PABPC4L: variants seen among roughly 807,000 people sequenced by gnomAD.
PABPC4L encodes the protein polyadenylate-binding protein 4-like.
For synonymous variants in PABPC4L, 169 were observed against 164.1 expected (o/e 1.03, Z -0.23); for missense variants, 452 against 451.4 (o/e 1.00, Z -0.01).
At chr4:134,000,012 A>T in the PABPC4L span, among the ~76,000 whole-genome samples, 5 of 152,150 alleles carry the variant, frequency 3.3e-5, no homozygotes. Context: ...CTTGTAAGTT[A>T]TATTTTAAAA....
the PABPC4L span, among the ~76,000 whole-genome samples, chr4:134,162,415 T>C: frequency 1.3e-5 from 2 of 152,024 alleles, no homozygotes; most frequent in East Asian, 1.9e-4. Flanking sequence ...ACAATAATAA[T>C]AGGGGACATC....
chr4:133,970,294 T>C, the PABPC4L span, among the ~76,000 whole-genome samples: 1 of 151,962 alleles, frequency 6.6e-6, no homozygotes, highest in African/African-American at 2.4e-5. Flanking sequence ...ATCTGTTTTA[T>C]TCCAACTATT....
the PABPC4L span, among the ~76,000 whole-genome samples, chr4:134,079,528 G>C: frequency 4.2e-5 from 6 of 141,732 alleles, no homozygotes; most frequent in African/African-American, 5.2e-5. Context: ...GCAGTGAGCT[G>C]AGATTGTGAC....
the PABPC4L span, among the ~76,000 whole-genome samples, chr4:134,014,092 C>T: frequency 6.6e-6 from 1 of 152,136 alleles, no homozygotes; most frequent in Admixed American, 6.5e-5. Context: ...CAGTTCATGG[C>T]TCATTTGGCA....
the PABPC4L span, among the ~76,000 whole-genome samples, chr4:134,036,018 T>C: frequency 1.3e-5 from 2 of 152,018 alleles, no homozygotes; most frequent in South Asian, 2.1e-4. Flanking sequence ...TCCAATTACC[T>C]TTACCTGTCC....
the PABPC4L span, among the ~76,000 whole-genome samples, chr4:134,003,886 T>A: frequency 6.6e-6 from 1 of 151,868 alleles, no homozygotes; most frequent in African/African-American, 2.4e-5. Flanking sequence ...GTGAAGGTGT[T>A]GAAGCAGAAA....
the PABPC4L span, among the ~76,000 whole-genome samples, chr4:134,086,327 A>T: frequency 6.6e-6 from 1 of 152,004 alleles, no homozygotes; most frequent in East Asian, 1.9e-4. Context: ...TTTTGCAGCT[A>T]TTCTTTCTTA....
At chr4:134,055,006 T>C in the PABPC4L span, among the ~76,000 whole-genome samples, 1 of 152,220 alleles carries the variant, frequency 6.6e-6, no homozygotes, top group South Asian at 2.1e-4. Flanking sequence ...TTTAATGATC[T>C]AGTTTTTCTG....
chr4:134,052,303 T>C, the PABPC4L span, among the ~76,000 whole-genome samples: 14 of 152,100 alleles, frequency 9.2e-5, no homozygotes, highest in Admixed American at 8.5e-4. Context: ...CATTAAACCA[T>C]TTAATTTTTT....
the PABPC4L span, among the ~76,000 whole-genome samples, chr4:133,992,309 C>A: frequency 6.6e-6 from 1 of 152,210 alleles, no homozygotes; most frequent in African/African-American, 2.4e-5. Context: ...ACTTTTCTGG[C>A]TACATCCTTT....
At chr4:134,110,559 TTGTGTGTGTGTGTGTGTG>T in the PABPC4L span, among the ~76,000 whole-genome samples, 446 of 144,678 alleles carry the variant, frequency 3.1e-3, 4 homozygotes, top group Middle Eastern at 0.011. Flanking sequence ...TCTCTCTGTC[TTGTGTGTGTGTGTGTGTG>T]TGTGTGTGTG....
chr4:134,052,006 A>G, the PABPC4L span, among the ~76,000 whole-genome samples: 1 of 152,052 alleles, frequency 6.6e-6, no homozygotes, highest in Admixed American at 6.6e-5. Flanking sequence ...GTTTCTTTTA[A>G]AAAAAGAAAA....
At chr4:134,097,953 C>A in the PABPC4L span, among the ~76,000 whole-genome samples, 1 of 151,762 alleles carries the variant, frequency 6.6e-6, no homozygotes, top group Admixed American at 6.6e-5. Context: ...GCTAGACCTA[C>A]TTCTTGTTTA....
At chr4:134,063,646 G>A in the PABPC4L span, among the ~76,000 whole-genome samples, 8 of 151,746 alleles carry the variant, frequency 5.3e-5, no homozygotes, top group Admixed American at 2.0e-4. Context: ...AGTGTTCTTC[G>A]TACTATTTTT....
At chr4:133,960,415 T>C in the PABPC4L span, among the ~76,000 whole-genome samples, 2 of 152,176 alleles carry the variant, frequency 1.3e-5, no homozygotes, top group Non-Finnish European at 2.9e-5. Flanking sequence ...GGAAAGACCC[T>C]GGGAGCTTGC....
chr4:134,120,522 A>C, the PABPC4L span, among the ~76,000 whole-genome samples: 1 of 150,546 alleles, frequency 6.6e-6, no homozygotes, highest in Admixed American at 6.7e-5. Context: ...TGCCTTAAAC[A>C]ATTGTTTCAT....
the PABPC4L span, among the ~76,000 whole-genome samples, chr4:134,092,319 T>G: frequency 6.6e-5 from 10 of 152,092 alleles, no homozygotes; most frequent in East Asian, 1.9e-3. Flanking sequence ...AGAGAGTAAG[T>G]GCCTGAATGT....
chr4:134,036,382 C>T, the PABPC4L span, among the ~76,000 whole-genome samples: 1 of 152,082 alleles, frequency 6.6e-6, no homozygotes, highest in African/African-American at 2.4e-5. Context: ...ATCAACTTTG[C>T]TGCATACCAA....
the PABPC4L span, among the ~76,000 whole-genome samples, chr4:134,121,494 T>G: frequency 6.6e-6 from 1 of 151,736 alleles, no homozygotes; most frequent in South Asian, 2.1e-4. Context: ...TTGAGATGGT[T>G]CGGAGCTAAA....
Sources: allele counts gnomAD v4.1 joint callset (sites outside exome capture counted in the v4.1 genomes callset), GRCh38; gene constraint gnomAD v4.1.1; transcripts MANE v1.5; gene names NCBI Gene and HGNC (gene_info 2026-07-23, HGNC 2026-07-21).